MYT1L: variants seen among roughly 807,000 people sequenced by gnomAD.
MYT1L encodes the protein myelin transcription factor 1-like protein.
MYT1L carries 12 observed loss-of-function variants against 126.7 expected under a neutral mutation model. The ratio of observed to expected loss-of-function variants is 0.09; its 90% CI spans 0.06 to 0.15. The LOEUF (loss-of-function observed/expected upper bound fraction) is 0.15, where lower values mean the gene tolerates loss of function less well. Ranked by LOEUF, MYT1L falls within the 10% of genes least tolerant of loss-of-function variation. The probability of loss-of-function intolerance (pLI) is 1.00; values close to 1 mark genes in which losing one functional copy is unlikely to be tolerated. For missense variants in MYT1L, 979 were observed against 1,585.2 expected (o/e 0.62, Z 6.49); for synonymous variants, 541 against 604.2 (o/e 0.90, Z 1.53).
At chr2:2,312,822 T>C (rs1454137269) in intron 1 of MYT1L, among the ~76,000 whole-genome samples, 2 of 152,106 alleles carry the variant, frequency 1.3e-5, no homozygotes, top group African/African-American at 2.4e-5. Context: ...GGTAGAAGAC[T>C]ATTGTAAGCT....
intron 17 of MYT1L, 110 bp from the exon 18 acceptor site, chr2:1,886,717 G>T: frequency 1.8e-6 from 1 of 566,252 alleles, no homozygotes; most frequent in Non-Finnish European, 2.9e-6. Context: ...AAAGCAATGG[G>T]CAAGTGCTGT....
rs1022911216 is a variant in MYT1L, at chr2:1,910,802, G to A, written c.1710-455C>T. On this transcript the variant is annotated intron_variant, in intron 12 of 24. Coordinates refer to ENST00000647738, the MANE Select transcript of MYT1L (RefSeq NM_001303052.2). The surrounding 1 kb of genome is among the most constrained non-coding windows in gnomAD (Gnocchi z 4.8). ...AATGCTATTGACTGTGGCGTCTGGG[G>A]GGCCTGTCTGACTTTAGCCCTTTGG... Among the ~76,000 whole-genome samples, 2 of 152,156 alleles carry A rather than the reference G, an allele frequency of 1.3e-5. No individual in the cohort carries two copies. The highest frequency in any genetic ancestry group is 2.9e-5 in the Non-Finnish European group (2 of 68,026).
At chr2:2,210,642 A>C (rs183642899) in intron 2 of MYT1L, among the ~76,000 whole-genome samples, 1 of 152,014 alleles carries the variant, frequency 6.6e-6, no homozygotes, top group Non-Finnish European at 1.5e-5. Context: ...TCTGTAGTAT[A>C]CTCTGAAGTC....
chr2:2,238,664 C>T (rs532455019), intron 2 of MYT1L, among the ~76,000 whole-genome samples: 1 of 152,270 alleles, frequency 6.6e-6, no homozygotes, highest in South Asian at 2.1e-4. Context: ...AGAGATCCTG[C>T]GTTACAATCT....
intron 3 of MYT1L, among the ~76,000 whole-genome samples, chr2:2,113,664 G>A (rs2079799824): frequency 6.6e-6 from 1 of 152,196 alleles, no homozygotes; most frequent in Non-Finnish European, 1.5e-5. Flanking sequence ...GCTGCCTCGG[G>A]TGAGTTCAAA....
Position 1,889,477 on chromosome 2 carries a change from T to C in MYT1L, c.2284A>G (p.Asn762Asp). 2 of 1,592,604 alleles carry C rather than the reference T, an allele frequency of 1.3e-6. No individual in the cohort carries two copies. Among genetic ancestry groups the C allele is most frequent in the Non-Finnish European group, 1.7e-6 (2 of 1,166,762 alleles). The change falls in exon 16 of 25, where the codon AAC becomes GAC. Residue 762 changes from asparagine (N) to aspartate (D), a missense_variant and splice_region_variant. Asn to Asp is a conservative substitution (Grantham distance 23, BLOSUM62 1). Around this residue, in one of 12 missense-constraint regions of MYT1L, gnomAD observed 141 missense variants for 170.6 expected, o/e 0.83. Coordinates refer to ENST00000647738, the MANE Select transcript of MYT1L (RefSeq NM_001303052.2). The surrounding 1 kb of genome is among the most constrained non-coding windows in gnomAD (Gnocchi z 4.1). Reference protein sequence around the residue: ...TKPQDLCATRNPDMEVDENGT... With the variant: ...TKPQDLCATRDPDMEVDENGT... ...TTCTCATCCACCTCCATGTCAGGGT[T>C]CTGTCGGTAGAAAGACATAGTGACT...
intron 1 of MYT1L, among the ~76,000 whole-genome samples, chr2:2,288,014 T>C (rs1183989381): frequency 6.6e-6 from 1 of 152,220 alleles, no homozygotes; most frequent in Non-Finnish European, 1.5e-5. Context: ...TTTTGGCTTC[T>C]TCAGACAGAC....
At chr2:1,839,589 T>C (rs1404176772) in intron 20 of MYT1L, among the ~76,000 whole-genome samples, 2 of 152,220 alleles carry the variant, frequency 1.3e-5, no homozygotes, top group Admixed American at 6.5e-5. Context: ...GCCTGACCCA[T>C]TGCAGATGGA....
At position 2,110,041 on chromosome 2, in the gene MYT1L, C is replaced by G. The variant is rs570694929; in HGVS notation, c.-303-55918G>C. Among the ~76,000 whole-genome samples, 9 of 151,648 alleles carry G rather than the reference C, an allele frequency of 5.9e-5. No individual in the cohort carries two copies. In the East Asian group the frequency reaches 1.6e-3, roughly 26 times the overall value. ...TATGCACGCATGGCATGGAGTGACGCAGGGAGTACTGTGCTGGGCAGTCTG... is the reference window on the plus strand; with the variant it reads ...TATGCACGCATGGCATGGAGTGACGGAGGGAGTACTGTGCTGGGCAGTCTG... On this transcript the variant is annotated intron_variant, in intron 3 of 24. Transcript: ENST00000647738.
At chr2:1,916,861 G>A (rs191946653) in intron 11 of MYT1L, among the ~76,000 whole-genome samples, 2 of 152,332 alleles carry the variant, frequency 1.3e-5, no homozygotes, top group East Asian at 1.9e-4. Flanking sequence ...TGGAAGGGAC[G>A]TCTTAGAGGC....
At chr2:2,159,313 C>T (rs1288551551) in intron 3 of MYT1L, among the ~76,000 whole-genome samples, 2 of 152,126 alleles carry the variant, frequency 1.3e-5, no homozygotes, top group Non-Finnish European at 2.9e-5. Flanking sequence ...ATGGTCTCTT[C>T]GGGGTCCTCA....
chr2:2,150,398 A>G (rs186663459), intron 3 of MYT1L, among the ~76,000 whole-genome samples: 1 of 152,318 alleles, frequency 6.6e-6, no homozygotes, highest in East Asian at 1.9e-4. Flanking sequence ...TAGTAAGAAA[A>G]TTCCATGTAG....
chr2:2,132,326 C>G (rs1018153600), intron 3 of MYT1L, among the ~76,000 whole-genome samples: 1 of 152,054 alleles, frequency 6.6e-6, no homozygotes, highest in Admixed American at 6.6e-5. Flanking sequence ...TTGGAACCAA[C>G]CTGGATGTTC....
chr2:2,064,642 A>T (rs796925986), intron 3 of MYT1L, among the ~76,000 whole-genome samples: 1 of 152,238 alleles, frequency 6.6e-6, no homozygotes, highest in Non-Finnish European at 1.5e-5. Context: ...TAGAAACAAT[A>T]TAAGTTATTG....
intron 2 of MYT1L, among the ~76,000 whole-genome samples, chr2:2,246,050 T>C (rs1029900496): frequency 2.0e-5 from 3 of 152,180 alleles, no homozygotes; most frequent in African/African-American, 4.8e-5. Flanking sequence ...TTTGCATTCT[T>C]TCAACCACTG....
chr2:1,961,579 C>A (rs763902232), intron 8 of MYT1L, among the ~76,000 whole-genome samples: 2 of 152,256 alleles, frequency 1.3e-5, no homozygotes, highest in Non-Finnish European at 2.9e-5. Context: ...TGCACCCACA[C>A]TGGCAGGTTA....
intron 9 of MYT1L, among the ~76,000 whole-genome samples, chr2:1,930,240 G>A (rs1375379903): frequency 6.6e-6 from 1 of 152,210 alleles, no homozygotes; most frequent in Non-Finnish European, 1.5e-5. Flanking sequence ...CCTGTCACTT[G>A]ATTGGAAAGC....
At chr2:2,063,617 G>A (rs2070827995) in intron 3 of MYT1L, among the ~76,000 whole-genome samples, 1 of 152,228 alleles carries the variant, frequency 6.6e-6, no homozygotes, top group Admixed American at 6.5e-5. Flanking sequence ...GCCAAGGTGG[G>A]TGGATCACCT....
chr2:2,264,479 T>A (rs1332428204), intron 2 of MYT1L, among the ~76,000 whole-genome samples: 1 of 152,066 alleles, frequency 6.6e-6, no homozygotes, highest in African/African-American at 2.4e-5. Flanking sequence ...GAATGAAAGT[T>A]AAAAAATAGG....
Sources: gnomAD v4.1 joint callset for allele counts (sites outside exome capture counted in the v4.1 genomes callset) on GRCh38, gnomAD v4.1.1 for gene constraint, gnomAD v4.1.1 regional missense constraint, Gnocchi (gnomAD v3.1) non-coding constraint, MANE v1.5 for transcripts, NCBI Gene and HGNC (gene_info 2026-07-23, HGNC 2026-07-21) for gene names.